UGT1A5: variants seen among roughly 807,000 people sequenced by gnomAD.
The protein encoded by UGT1A5 is UDP-glucuronosyltransferase 1A5.
Under a neutral mutation model 40.3 loss-of-function variants are expected in UGT1A5, and 29 were observed. The observed-to-expected ratio is 0.72, with a 90% CI of 0.54 to 0.98. The LOEUF (loss-of-function observed/expected upper bound fraction) is 0.98, where lower values mean the gene tolerates loss of function less well. Among genes scored for constraint, UGT1A5 ranks in the 50% least tolerant of loss-of-function variants. The pLI, the probability that UGT1A5 is intolerant of heterozygous loss-of-function variation, is 0.00. For missense variants in UGT1A5, 678 were observed against 677.9 expected (o/e 1.00, Z 0.00); for synonymous variants, 257 against 262.5 (o/e 0.98, Z 0.20).
intron 1 of UGT1A5, among the ~76,000 whole-genome samples, chr2:233,745,381 C>G (rs1382208819): frequency 6.6e-6 from 1 of 151,782 alleles, no homozygotes; most frequent in Admixed American, 6.6e-5. Flanking sequence ...TTCTCTTCAC[C>G]TCCTTATTCT....
chr2:233,718,626 C>T lies in UGT1A5; in HGVS notation c.867+4768C>T, dbSNP rs552976207. 130 of 926,994 alleles carry T rather than the reference C, an allele frequency of 1.4e-4. No individual in the cohort carries two copies. The South Asian group carries it at 5.5e-3, about 39-fold the overall frequency. The allele number at this position is 926,994 out of a possible 1,614,324, so 57.4% of individuals were successfully genotyped here. On this transcript the variant is annotated intron_variant, in intron 1 of 4. Transcript: ENST00000373414. ...GCTTTTCAAGATAGGCGTGATTGGT[C>T]TTTCCCAGGGTTGGGCCCATAACGA...
intron 1 of UGT1A5, chr2:233,721,841 T>A (rs1420005948): frequency 1.9e-6 from 1 of 515,702 alleles, no homozygotes; most frequent in East Asian, 5.5e-5. Context: ...CGACCTTGTG[T>A]CCAGCCCCAC....
chr2:233,748,002 G>C (rs1380342969), intron 1 of UGT1A5: 18 of 1,613,382 alleles, frequency 1.1e-5, no homozygotes, highest in Non-Finnish European at 1.4e-5. Flanking sequence ...CTTTGTGATG[G>C]ATTACCCCAG....
chr2:233,743,668 G>A (rs898129248), intron 1 of UGT1A5: 18 of 1,367,120 alleles, frequency 1.3e-5, no homozygotes, highest in African/African-American at 4.5e-5. Flanking sequence ...AGGGGTCCTC[G>A]AAGGGCCTGC....
intron 4 of UGT1A5, 143 bp downstream of exon 4, chr2:233,768,582 CTTTTTTTTTTT>C (rs139595073): frequency 1.7e-3 from 1,723 of 1,029,514 alleles, no homozygotes; most frequent in Middle Eastern, 4.0e-3. Flanking sequence ...TTTATTTCTT[CTTTTTTTTTTT>C]TTTTTTTTTT....
intron 1 of UGT1A5, among the ~76,000 whole-genome samples, chr2:233,758,930 C>T (rs1427100702): frequency 6.6e-6 from 1 of 152,236 alleles, no homozygotes; most frequent in Non-Finnish European, 1.5e-5. Context: ...TCCCTTTTGA[C>T]TTCAAATCAG....
intron 1 of UGT1A5, among the ~76,000 whole-genome samples, chr2:233,736,926 C>T (rs1389515258): frequency 2.0e-5 from 3 of 152,150 alleles, no homozygotes; most frequent in Non-Finnish European, 4.4e-5. Flanking sequence ...ACCAGAGGCG[C>T]ACCCACCTAT....
chr2:233,739,424 C>T lies in UGT1A5; in HGVS notation c.867+25566C>T, dbSNP rs531347929. Among the ~76,000 whole-genome samples, 15 of 152,298 alleles carry T rather than the reference C, an allele frequency of 9.8e-5. No homozygotes were observed. In the South Asian group the frequency reaches 1.7e-3, roughly 17 times the overall value. ...TGCCACCCTCTGAAAGCAGCCAGGA[C>T]GAGGGCTTTACCCTGCAAAGCCACA... On this transcript the variant is annotated intron_variant, in intron 1 of 4. Transcript: ENST00000373414.
intron 1 of UGT1A5, among the ~76,000 whole-genome samples, chr2:233,717,134 A>G (rs2076550846): frequency 6.6e-6 from 1 of 152,112 alleles, no homozygotes; most frequent in African/African-American, 2.4e-5. Context: ...ATAGAACACC[A>G]CTACATGGAA....
At chr2:233,743,297 T>C in intron 1 of UGT1A5, 1 of 557,200 alleles carries the variant, frequency 1.8e-6, no homozygotes, top group South Asian at 1.6e-5. Context: ...TTCTCAATGA[T>C]TCTCTTGGTG....
chr2:233,758,756 G>A (rs1321245048), intron 1 of UGT1A5, among the ~76,000 whole-genome samples: 1 of 152,198 alleles, frequency 6.6e-6, no homozygotes, highest in Non-Finnish European at 1.5e-5. Context: ...GGCCAGTGAT[G>A]TGTATGGTTC....
At chr2:233,729,155 C>A in intron 1 of UGT1A5, 1 of 1,613,596 alleles carries the variant, frequency 6.2e-7, no homozygotes, top group Non-Finnish European at 8.5e-7. Flanking sequence ...GTTCCCCTGC[C>A]GTGGCTGGCC....
intron 1 of UGT1A5, chr2:233,719,659 A>G: frequency 1.9e-6 from 3 of 1,614,092 alleles, no homozygotes; most frequent in South Asian, 1.1e-5. Context: ...GGGGGCATCA[A>G]CTGTGCCAAC....
chr2:233,730,153 G>T (rs1158500294), intron 1 of UGT1A5, among the ~76,000 whole-genome samples: 1 of 152,204 alleles, frequency 6.6e-6, no homozygotes, highest in East Asian at 1.9e-4. Flanking sequence ...CTGTTAAGGG[G>T]TCTCTAGTAG....
At chr2:233,725,981 C>T (rs28899190) in intron 1 of UGT1A5, among the ~76,000 whole-genome samples, 4,581 of 152,048 alleles carry the variant, frequency 0.03, 268 homozygotes, top group African/African-American at 0.1. Flanking sequence ...GCCTGGGAAA[C>T]GTGCTGAGAC....
rs200788361 is a variant in UGT1A5, at chr2:233,713,487, T to C, written c.496T>C (p.Ser166Pro). ...CGCGGCGGTGCTGGCTAAGTACCTG[T>C]CGATTCCTGCTGTGTTTTTCTTGAG... ...LCAAVLAKYL[S>P]IPAVFFLRNI... Residue 166 changes from serine to proline, a missense_variant, in exon 1 of 5, where the codon TCG becomes CCG. Ser to Pro is a moderately conservative substitution (Grantham distance 74). Transcript: ENST00000373414. 2.0e-5 allele frequency: 33 copies of C among 1,614,038 alleles called. No homozygotes were observed. The East Asian group carries it at 7.1e-4, about 35-fold the overall frequency.
At chr2:233,729,142 C>T (rs757429126) in intron 1 of UGT1A5, 2 of 1,613,410 alleles carry the variant, frequency 1.2e-6, no homozygotes, top group Non-Finnish European at 1.7e-6. Context: ...CACAGGACTC[C>T]AGGTTCCCCT....
At chr2:233,734,935 C>A (rs1354608889) in intron 1 of UGT1A5, among the ~76,000 whole-genome samples, 1 of 152,058 alleles carries the variant, frequency 6.6e-6, no homozygotes, top group African/African-American at 2.4e-5. Flanking sequence ...TACTTACAAT[C>A]ATATGGTCAG....
chr2:233,764,150 T>C (rs770421486), intron 1 of UGT1A5, among the ~76,000 whole-genome samples: 21 of 152,376 alleles, frequency 1.4e-4, no homozygotes, highest in Non-Finnish European at 2.4e-4. Flanking sequence ...TCATTTTGGC[T>C]GGTGAAGTCT....
Sources: gnomAD v4.1 joint callset for allele counts (sites outside exome capture counted in the v4.1 genomes callset) on GRCh38, gnomAD v4.1.1 for gene constraint, MANE v1.5 for transcripts, NCBI Gene and HGNC (gene_info 2026-07-23, HGNC 2026-07-21) for gene names.